Variants in ATP7B observed in about 807,000 individuals in gnomAD.
ATP7B encodes the protein copper-transporting ATPase 2.
A neutral mutation model predicts 118.9 loss-of-function variants in ATP7B; 113 were observed. That is an observed-to-expected ratio of 0.95 (90% CI 0.82 to 1.11). The LOEUF (loss-of-function observed/expected upper bound fraction) is 1.11, where lower values mean the gene tolerates loss of function less well. Among genes scored for constraint, ATP7B ranks in the 50% most tolerant of loss-of-function variants. The pLI, the probability that ATP7B is intolerant of heterozygous loss-of-function variation, is 0.00. For missense variants in ATP7B, 1,867 were observed against 1,871.4 expected (o/e 1.00, Z 0.04); for synonymous variants, 777 against 727.4 (o/e 1.07, Z -1.10).
At chr13:52,011,184 T>C (rs982998673) in intron 1 of ATP7B, 103 bp downstream of exon 1, 2 of 1,571,826 alleles carry the variant, frequency 1.3e-6, no homozygotes, top group Non-Finnish European at 1.8e-6. Flanking sequence ...TGGCTCGGCC[T>C]TCCCTGCGCA....
chr13:52,009,646 T>C (rs1364933110), intron 1 of ATP7B, among the ~76,000 whole-genome samples: 2 of 152,178 alleles, frequency 1.3e-5, no homozygotes, highest in East Asian at 1.9e-4. Context: ...CATTTGTCAG[T>C]TGATTTTTCA....
In ATP7B at chr13:51,942,514, T is replaced by C. The variant is rs1555285891; in HGVS notation, c.3284A>G (p.Gln1095Arg). The C allele has an allele frequency of 1.2e-6, 2 of 1,614,140 alleles. No individual in the cohort carries two copies. Among genetic ancestry groups the C allele is most frequent in the Non-Finnish European group, 1.7e-6 (2 of 1,180,032 alleles). ...CCCAATTCCACAGCCTGGCACTGCCTGGAAGTCCGTGCAGTATCCCAAGGT... is the reference window on the plus strand; with the variant it reads ...CCCAATTCCACAGCCTGGCACTGCCCGGAAGTCCGTGCAGTATCCCAAGGT... ...TETLGYCTDF[Q>R]AVPGCGIGCK... Residue 1095 changes from glutamine to arginine, a missense_variant, in exon 15 of 21, where the codon CAG becomes CGG. Coordinates refer to ENST00000242839, the MANE Select transcript of ATP7B (RefSeq NM_000053.4).
chr13:51,942,708 T>C (rs1957411404), intron 14 of ATP7B, among the ~76,000 whole-genome samples, 154 bp from the exon 15 acceptor site: 1 of 152,016 alleles, frequency 6.6e-6, no homozygotes, highest in African/African-American at 2.4e-5. Context: ...GTGGAACAGA[T>C]AGGAAAGGTT....
At chr13:51,962,031 G>C (rs1316787342) in intron 5 of ATP7B, 118 bp from the exon 6 acceptor site, 2 of 820,142 alleles carry the variant, frequency 2.4e-6, no homozygotes, top group Non-Finnish European at 4.0e-6. Context: ...AAGTGCCTCA[G>C]TAGACTTTGT....
rs939136907 is a variant in ATP7B at position 51,934,840 on chromosome 13, T to C, written c.4314A>G (p.Pro1438=). ...VSLSSLTSDK[P]SRHSAAADDD... ...CGTCTGCTGCAGCGCTGTGCCGAGA[T>C]GGCTTGTCGGACGTCAGGGAGGACA... The change falls in exon 21 of 21, where the codon CCA becomes CCG. Residue 1438 remains proline, a synonymous_variant. Coordinates refer to ENST00000242839, the MANE Select transcript of ATP7B (RefSeq NM_000053.4). 6.2e-7 allele frequency: 1 copy of C among 1,614,228 alleles called. No homozygotes were observed. The highest frequency in any genetic ancestry group is 1.3e-5 in the African/African-American group (1 of 75,070).
At chr13:51,984,939 A>C (rs895268206) in intron 1 of ATP7B, among the ~76,000 whole-genome samples, 10 of 152,222 alleles carry the variant, frequency 6.6e-5, no homozygotes, top group African/African-American at 2.4e-4. Context: ...GAAAGGAACA[A>C]CTGGTACCAG....
upstream of ATP7B, chr13:52,011,465 T>A: frequency 1.5e-6 from 1 of 650,306 alleles, no homozygotes; most frequent in Non-Finnish European, 2.5e-6. Context: ...TCGGCGCGGC[T>A]CGGCTCTAAA....
intron 1 of ATP7B, among the ~76,000 whole-genome samples, chr13:52,007,736 A>G (rs192624780): frequency 3.4e-4 from 52 of 152,238 alleles, no homozygotes; most frequent in South Asian, 8.3e-4. Flanking sequence ...GGCCATCTGT[A>G]CTCCTGACCA....
chr13:51,935,781 A>ACTGGGGGCCGCTGAGGGTGG, intron 19 of ATP7B, 86 bp from the exon 20 acceptor site: 1 of 1,222,512 alleles, frequency 8.2e-7, no homozygotes, highest in Non-Finnish European at 1.2e-6. Context: ...CCCCACCCTC[A>ACTGGGGGCCGCTGAGGGTGG]GCGGCCCCCA....
intron 17 of ATP7B, among the ~76,000 whole-genome samples, chr13:51,937,974 T>C (rs537216691): frequency 6.6e-6 from 1 of 152,278 alleles, no homozygotes; most frequent in South Asian, 2.1e-4. Context: ...CCCCATGGTC[T>C]TTCCAAAGCA....
chr13:51,950,451 T>G (rs761730788), intron 9 of ATP7B, 52 bp from the exon 10 acceptor site: 1 of 1,611,202 alleles, frequency 6.2e-7, no homozygotes, highest in Non-Finnish European at 8.5e-7. Context: ...GGTCACCGGG[T>G]CAGGTTCTAG....
chr13:52,000,864 T>TA (rs1209671440), intron 1 of ATP7B, among the ~76,000 whole-genome samples: 1 of 151,846 alleles, frequency 6.6e-6, no homozygotes, highest in Non-Finnish European at 1.5e-5. Flanking sequence ...CTTCAAAAAA[T>TA]AAAAAATTAG....
At chr13:51,964,434 C>T (rs932417256) in intron 5 of ATP7B, among the ~76,000 whole-genome samples, 9 of 152,158 alleles carry the variant, frequency 5.9e-5, no homozygotes, top group African/African-American at 1.7e-4. Context: ...AAAGCAGAAG[C>T]GGCCAAGCTC....
At chr13:51,960,424 C>A in intron 6 of ATP7B, 102 bp from the exon 7 acceptor site, 1 of 1,431,980 alleles carries the variant, frequency 7.0e-7, no homozygotes, top group South Asian at 1.2e-5. Flanking sequence ...CTGCCTTTGT[C>A]ACATGTCTGG....
chr13:51,970,869 G>GC lies in ATP7B; in HGVS notation c.1286-121dup, dbSNP rs1234433211. ...TCCCGGCTCCCACCGAGCAGCCTCA[G>GC]CCCCTGGGCTCCAGTAACTACCTTG... On this transcript the variant is annotated intron_variant, in intron 2 of 20. Transcript: ENST00000242839. 8.3e-6 allele frequency: 7 copies of GC among 838,520 alleles called. No homozygotes were observed. In the East Asian group the frequency reaches 2.2e-4, roughly 26 times the overall value. 51.9% of individuals were successfully genotyped at this position (838,520 alleles called of 1,614,324 possible).
intron 1 of ATP7B, among the ~76,000 whole-genome samples, 200 bp downstream of exon 1, chr13:52,011,087 T>G (rs1236357449): frequency 6.6e-6 from 1 of 152,202 alleles, no homozygotes; most frequent in African/African-American, 2.4e-5. Context: ...GTGCGGGGTT[T>G]TCCATTGCTC....
intron 1 of ATP7B, among the ~76,000 whole-genome samples, chr13:51,983,475 G>A (rs903001316): frequency 7.2e-5 from 11 of 152,292 alleles, no homozygotes; most frequent in South Asian, 2.1e-4. Context: ...AATGGTGGCT[G>A]TGGGTGCAGC....
chr13:51,952,937 G>C (rs894869890), intron 9 of ATP7B, among the ~76,000 whole-genome samples: 11 of 152,192 alleles, frequency 7.2e-5, no homozygotes, highest in Non-Finnish European at 1.5e-4. Flanking sequence ...GGACAGAGTA[G>C]AGCCTTCCTC....
intron 1 of ATP7B, among the ~76,000 whole-genome samples, chr13:51,977,098 G>T (rs1952156002): frequency 6.6e-6 from 1 of 152,182 alleles, no homozygotes; most frequent in South Asian, 2.1e-4. Context: ...AGGAGTTCAA[G>T]GTTACAGTGA....
Sources: gnomAD v4.1 joint callset for allele counts (sites outside exome capture counted in the v4.1 genomes callset) on GRCh38, gnomAD v4.1.1 for gene constraint, MANE v1.5 for transcripts, NCBI Gene and HGNC (gene_info 2026-07-23, HGNC 2026-07-21) for gene names.